PARD3B: variants seen among roughly 807,000 people sequenced by gnomAD.
PARD3B encodes the protein partitioning defective 3 homolog B.
In PARD3B, 103 loss-of-function variants were observed where a neutral mutation model predicts 130.2. The observed-to-expected ratio is 0.79, with a 90% CI of 0.67 to 0.93. PARD3B has a LOEUF of 0.93. Ranked by LOEUF, PARD3B falls within the 40% of genes least tolerant of loss-of-function variation. PARD3B has a pLI of 0.00. For missense variants in PARD3B, 1,609 were observed against 1,499.2 expected, an observed-to-expected ratio of 1.07 and a Z score of -1.21; for synonymous variants, 583 against 553.2, an observed-to-expected ratio of 1.05 and a Z score of -0.76.
At chr2:204,864,488 T>G (rs998816677) in intron 2 of PARD3B, among the ~76,000 whole-genome samples, 1 of 152,186 alleles carries the variant, frequency 6.6e-6, no homozygotes, top group African/African-American at 2.4e-5. Context: ...AATGGCTGTT[T>G]CTTCTGTTTG....
intron 15 of PARD3B, among the ~76,000 whole-genome samples, chr2:205,224,651 C>CA (rs2038446583): frequency 6.7e-6 from 1 of 150,084 alleles, no homozygotes; most frequent in Non-Finnish European, 1.5e-5. Flanking sequence ...TTAGATCCCA[C>CA]AAAAAAAGTG....
chr2:205,480,798 A>G (rs1354714993), intron 20 of PARD3B, among the ~76,000 whole-genome samples: 1 of 152,196 alleles, frequency 6.6e-6, no homozygotes, highest in Non-Finnish European at 1.5e-5. Context: ...TGATACATTC[A>G]GGGGGTGATC....
In PARD3B at chr2:204,942,623, T is replaced by TA. The variant is rs968424440; in HGVS notation, c.223-22517dup. Among the ~76,000 whole-genome samples the TA allele has an allele frequency of 1.2e-3, 176 of 144,682 alleles. 2 individuals are homozygous for TA. The highest frequency in any genetic ancestry group is 3.5e-3 in the Middle Eastern group (1 of 282). The allele number at this position is 144,682 out of a possible 152,430, so 94.9% of individuals were successfully genotyped here. On this transcript the variant is annotated intron_variant, in intron 2 of 22. Transcript: ENST00000406610. ...TTTTTTTAAAGGTCATACAGGTATT[T>TA]AAAAAAAAAAAAGACAAGTAGTTAT...
rs1464613030 is a variant in PARD3B, at chr2:204,678,574, C to T, written c.121-7607C>T. 6.6e-6 allele frequency among the ~76,000 whole-genome samples: 1 copy of T among 152,046 alleles called. No individual in the cohort carries two copies. The highest frequency in any genetic ancestry group is 1.5e-5 in the Non-Finnish European group (1 of 68,004). On this transcript the variant is annotated intron_variant, in intron 1 of 22. Coordinates refer to ENST00000406610, the MANE Select transcript of PARD3B (RefSeq NM_001302769.2). The surrounding 1 kb of genome is among the most constrained non-coding windows in gnomAD (Gnocchi z 4.2). The stretch of plus-strand genomic sequence containing the variant: ...TTCCTTGAAGCCTGGCTGACTCCAG[C>T]CGGGTCGTCTCCGAAGTCGTGTGGT...
intron 1 of PARD3B, among the ~76,000 whole-genome samples, chr2:204,562,590 T>C (rs1401480330): frequency 6.6e-6 from 1 of 152,226 alleles, no homozygotes; most frequent in African/African-American, 2.4e-5. Flanking sequence ...CTTGTCATCT[T>C]GTTTTTCTTT....
At chr2:205,087,296 A>G (rs961860295) in intron 4 of PARD3B, among the ~76,000 whole-genome samples, 1 of 152,310 alleles carries the variant, frequency 6.6e-6, no homozygotes, top group East Asian at 1.9e-4. Flanking sequence ...TTGCTACTCC[A>G]TTGATTAAAA....
At chr2:204,846,104 G>A (rs1048465433) in intron 2 of PARD3B, among the ~76,000 whole-genome samples, 11 of 152,022 alleles carry the variant, frequency 7.2e-5, no homozygotes, top group Non-Finnish European at 1.6e-4. Flanking sequence ...CAAAGGTTTT[G>A]AATAATAAGT....
At position 205,363,527 on chromosome 2, in the gene PARD3B, A is replaced by G. The variant is rs2044475415; in HGVS notation, c.2631-37486A>G. ...GAGTTATAAATATCTGCTTGCAAGT[A>G]AGAAAGCAAGGCAAAGGGGTATAAT... On this transcript the variant is annotated intron_variant, in intron 18 of 22. Transcript: ENST00000406610. Among the ~76,000 whole-genome samples the G allele has an allele frequency of 3.9e-5, 6 of 152,340 alleles. No homozygotes were observed. The South Asian group carries it at 8.3e-4, about 21-fold the overall frequency.
At chr2:204,977,132 C>T (rs1355979748) in intron 3 of PARD3B, among the ~76,000 whole-genome samples, 4 of 152,168 alleles carry the variant, frequency 2.6e-5, no homozygotes, top group Admixed American at 2.6e-4. Context: ...GGACATTAAT[C>T]AGAATAGTAT....
intron 16 of PARD3B, among the ~76,000 whole-genome samples, chr2:205,277,126 C>T (rs974091173): frequency 3.5e-4 from 53 of 152,346 alleles, no homozygotes; most frequent in African/African-American, 1.3e-3. Flanking sequence ...TGCCAGACAA[C>T]GAATAATCCT....
chr2:204,575,175 T>C (rs939595442), intron 1 of PARD3B, among the ~76,000 whole-genome samples: 2 of 152,220 alleles, frequency 1.3e-5, no homozygotes, highest in East Asian at 3.8e-4. Context: ...TTCATTACAA[T>C]CTGTATATTG....
chr2:205,339,049 C>T (rs919838420), intron 18 of PARD3B, among the ~76,000 whole-genome samples: 20 of 152,192 alleles, frequency 1.3e-4, no homozygotes, highest in Middle Eastern at 3.4e-3. Flanking sequence ...TTGTAAAATT[C>T]GCTTGAAGTT....
intron 1 of PARD3B, among the ~76,000 whole-genome samples, chr2:204,661,166 T>C (rs146641033): frequency 1.7e-3 from 257 of 152,322 alleles, no homozygotes; most frequent in African/African-American, 5.7e-3. Flanking sequence ...ATTATACTTT[T>C]TTGTTAAATT....
At chr2:204,987,454 G>T (rs920039816) in intron 3 of PARD3B, among the ~76,000 whole-genome samples, 1 of 152,056 alleles carries the variant, frequency 6.6e-6, no homozygotes, top group Admixed American at 6.5e-5. Context: ...CTGTAGTTTG[G>T]GGAGATAAAT....
At position 205,241,401 on chromosome 2, in the gene PARD3B, T is replaced by A. The variant is rs1231150027; in HGVS notation, c.2141-4377T>A. Among the ~76,000 whole-genome samples the A allele has an allele frequency of 6.6e-6, 1 of 152,184 alleles. No individual in the cohort carries two copies. The highest frequency in any genetic ancestry group is 1.5e-5 in the Non-Finnish European group (1 of 68,014). On this transcript the variant is annotated intron_variant, in intron 15 of 22. Transcript: ENST00000406610. This position sits in a 1 kb window ranked among gnomAD's most constrained non-coding sequence, Gnocchi z 4.2. Reference sequence around the variant, plus strand: ...CTCTCTAAGTATGTAATAATGGTTATAATAAAATAACAGTTATAAAAATAT... The same window carrying A: ...CTCTCTAAGTATGTAATAATGGTTAAAATAAAATAACAGTTATAAAAATAT...
intron 1 of PARD3B, among the ~76,000 whole-genome samples, chr2:204,632,665 A>T (rs765753584): frequency 6.6e-6 from 1 of 152,072 alleles, no homozygotes; most frequent in Non-Finnish European, 1.5e-5. Context: ...GGCTCACGAG[A>T]CGATCTCCTG....
intron 3 of PARD3B, among the ~76,000 whole-genome samples, chr2:204,987,418 G>A (rs1177872318): frequency 6.6e-6 from 1 of 152,110 alleles, no homozygotes; most frequent in Admixed American, 6.6e-5. Context: ...ATTTCTTATG[G>A]TATTACCTTT....
At chr2:205,529,967 C>T (rs754841946) in intron 21 of PARD3B, among the ~76,000 whole-genome samples, 28 of 152,004 alleles carry the variant, frequency 1.8e-4, no homozygotes, top group Admixed American at 5.2e-4. Flanking sequence ...GTAGCATGAA[C>T]GAAAAATCAT....
At position 205,321,821 on chromosome 2, in the gene PARD3B, A is replaced by G. The variant is rs569039963; in HGVS notation, c.2630+20120A>G. Among the ~76,000 whole-genome samples, 44 of 152,372 alleles carry G rather than the reference A, an allele frequency of 2.9e-4. No homozygotes were observed. Among genetic ancestry groups the G allele is most frequent in the African/African-American group, 1.1e-3 (44 of 41,596 alleles). On this transcript the variant is annotated intron_variant, in intron 18 of 22. Coordinates refer to ENST00000406610, the MANE Select transcript of PARD3B (RefSeq NM_001302769.2). This position sits in a 1 kb window ranked among gnomAD's most constrained non-coding sequence, Gnocchi z 4.2. ...CAGTGTTGACTCCTGGTAAATGAGT[A>G]CAGATTTCCAAGAGCGAGGTGTACT...
Sources: allele counts gnomAD v4.1 joint callset (sites outside exome capture counted in the v4.1 genomes callset), GRCh38; gene constraint gnomAD v4.1.1; non-coding constraint Gnocchi (gnomAD v3.1); transcripts MANE v1.5; gene names NCBI Gene and HGNC (gene_info 2026-07-23, HGNC 2026-07-21).